SYN2: variants seen among roughly 807,000 people sequenced by gnomAD.
SYN2 encodes synapsin II.
SYN2 carries 19 observed loss-of-function variants against 50.9 expected under a neutral mutation model. The ratio of observed to expected loss-of-function variants is 0.37; its 90% CI spans 0.26 to 0.55. The LOEUF is 0.55. Ranked by LOEUF, SYN2 falls within the 20% of genes least tolerant of loss-of-function variation. The pLI is 0.81. For missense variants in SYN2, 587 were observed against 576.4 expected (o/e 1.02, Z -0.19); for synonymous variants, 255 against 224.9 (o/e 1.13, Z -1.20).
At chr3:12,177,943 G>A (rs961197548) in intron 10 of SYN2, among the ~76,000 whole-genome samples, 1 of 152,212 alleles carries the variant, frequency 6.6e-6, no homozygotes, top group Non-Finnish European at 1.5e-5. Context: ...CCCCCAGGAG[G>A]GAAGGAGAAG....
At chr3:12,131,703 T>C (rs1222366018) in intron 1 of SYN2, among the ~76,000 whole-genome samples, 1 of 152,198 alleles carries the variant, frequency 6.6e-6, no homozygotes, top group Admixed American at 6.5e-5. Context: ...TACTGCATCA[T>C]TTAATTATTC....
chr3:12,188,900 T>C (rs1698395984), intron 12 of SYN2, among the ~76,000 whole-genome samples: 1 of 152,166 alleles, frequency 6.6e-6, no homozygotes, highest in Non-Finnish European at 1.5e-5. Context: ...ATCCTTGGAT[T>C]GTCACTGCCT....
intron 7 of SYN2, among the ~76,000 whole-genome samples, chr3:12,162,978 T>G (rs568270112): frequency 1.3e-5 from 2 of 152,268 alleles, no homozygotes; most frequent in African/African-American, 4.8e-5. Flanking sequence ...CGGTGGCTCA[T>G]GCCTGTAATC....
chr3:12,171,492 G>T (rs1385154107), intron 10 of SYN2, among the ~76,000 whole-genome samples: 2 of 152,310 alleles, frequency 1.3e-5, no homozygotes, highest in East Asian at 1.9e-4. Flanking sequence ...GTATCTTAAA[G>T]AATTTATGAC....
chr3:12,028,509 C>G (rs1204545794), intron 1 of SYN2, among the ~76,000 whole-genome samples: 1 of 149,582 alleles, frequency 6.7e-6, no homozygotes, highest in Non-Finnish European at 1.5e-5. Flanking sequence ...AAAAGTGTTC[C>G]TATTTCTCCT....
In SYN2 at chr3:12,145,818, T is replaced by A; in HGVS notation, c.667T>A (p.Cys223Ser). The change falls in exon 4 of 13, where the codon TGT (cysteine) becomes AGT (serine). Residue 223 changes from cysteine to serine, a missense_variant. Transcript: ENST00000621198. Reference sequence around the variant, plus strand: ...CTCACTGGAATCCATATACAACTTCTGTGACAAGCCATGGGTGGTGAGTGA... The same window carrying A: ...CTCACTGGAATCCATATACAACTTCAGTGACAAGCCATGGGTGGTGAGTGA... Reference protein sequence around the residue: ...INSLESIYNFCDKPWVFAQLV... With the variant: ...INSLESIYNFSDKPWVFAQLV... 1.2e-6 allele frequency: 2 copies of A among 1,613,956 alleles called. No individual in the cohort carries two copies. The highest frequency in any genetic ancestry group is 1.7e-6 in the Non-Finnish European group (2 of 1,179,862).
chr3:12,046,827 T>C (rs1298269865), intron 1 of SYN2, among the ~76,000 whole-genome samples: 1 of 152,176 alleles, frequency 6.6e-6, no homozygotes, highest in Admixed American at 6.5e-5. Flanking sequence ...GGTTTCTGAC[T>C]GCACAGCTGG....
chr3:12,087,917 T>TA (rs79920668), intron 1 of SYN2, among the ~76,000 whole-genome samples: 88 of 146,488 alleles, frequency 6.0e-4, no homozygotes, highest in Admixed American at 1.1e-3. Flanking sequence ...TCACATCATA[T>TA]AAAAAAAAAA....
At position 12,186,860 on chromosome 3, in the gene SYN2, T is replaced by G. The variant is rs116133226; in HGVS notation, c.1370-509T>G. Reference sequence around the variant, plus strand: ...AGACAACTAAGACCAGGGCTTACACTTTTTAAAGTTTTATGTTTGGGAAAA... The same window carrying G: ...AGACAACTAAGACCAGGGCTTACACGTTTTAAAGTTTTATGTTTGGGAAAA... On this transcript the variant is annotated intron_variant, in intron 11 of 12. Coordinates refer to ENST00000621198, the MANE Select transcript of SYN2 (RefSeq NM_133625.6). Among the ~76,000 whole-genome samples, 273 of 152,318 alleles carry G rather than the reference T, an allele frequency of 1.8e-3. 1 individual carries two copies. The highest frequency in any genetic ancestry group is 6.1e-3 in the African/African-American group (255 of 41,572).
chr3:12,041,199 A>T (rs1694603770), intron 1 of SYN2, among the ~76,000 whole-genome samples: 1 of 152,066 alleles, frequency 6.6e-6, no homozygotes, highest in Non-Finnish European at 1.5e-5. Context: ...TGGTATCCCT[A>T]CTTCTACTCT....
chr3:12,187,056 G>A (rs1698355502), intron 11 of SYN2, among the ~76,000 whole-genome samples: 1 of 152,156 alleles, frequency 6.6e-6, no homozygotes, highest in Non-Finnish European at 1.5e-5. Context: ...AGAGAGGAGG[G>A]GAGAGGACCC....
chr3:12,020,627 A>G (rs1401226060), intron 1 of SYN2, among the ~76,000 whole-genome samples: 1 of 152,066 alleles, frequency 6.6e-6, no homozygotes, highest in Non-Finnish European at 1.5e-5. Flanking sequence ...TTCAGTGCTG[A>G]TTTAGTTTTT....
At chr3:12,068,311 C>G (rs924986746) in intron 1 of SYN2, among the ~76,000 whole-genome samples, 9 of 152,168 alleles carry the variant, frequency 5.9e-5, no homozygotes, top group African/African-American at 2.2e-4. Context: ...AGGCATTGCT[C>G]AGTTATCTTC....
intron 1 of SYN2, among the ~76,000 whole-genome samples, chr3:12,101,442 T>G (rs961255345): frequency 1.3e-5 from 2 of 152,112 alleles, no homozygotes; most frequent in Non-Finnish European, 2.9e-5. Flanking sequence ...TAGGCAAATT[T>G]ACAGAGACAA....
chr3:12,032,115 T>G (rs1192723582), intron 1 of SYN2, among the ~76,000 whole-genome samples: 11,300 of 90,134 alleles, frequency 0.13, 1,935 homozygotes, highest in African/African-American at 0.34. Context: ...GTCTGTAAAG[T>G]ATTTTATTTC....
chr3:12,045,324 G>A (rs1287810692), intron 1 of SYN2, among the ~76,000 whole-genome samples: 3 of 152,176 alleles, frequency 2.0e-5, no homozygotes, highest in Admixed American at 2.0e-4. Flanking sequence ...AAAAGGAGTA[G>A]ATAAAAAGTG....
chr3:12,008,896 A>G (rs1203971964), intron 1 of SYN2, among the ~76,000 whole-genome samples: 1 of 152,228 alleles, frequency 6.6e-6, no homozygotes, highest in Non-Finnish European at 1.5e-5. Context: ...AGAGGGGGAC[A>G]ACGAAGAGAC....
chr3:12,184,122 A>C, intron 11 of SYN2: 3 of 985,940 alleles, frequency 3.0e-6, no homozygotes, highest in Non-Finnish European at 3.6e-6. Flanking sequence ...TGATGACATG[A>C]AATACAAAGA....
chr3:12,082,379 A>G (rs1003010124), intron 1 of SYN2, among the ~76,000 whole-genome samples: 6 of 152,236 alleles, frequency 3.9e-5, no homozygotes, highest in Non-Finnish European at 8.8e-5. Context: ...TTGCATAAAC[A>G]GTTTAGGCAC....
Sources: gnomAD v4.1 joint callset for allele counts (sites outside exome capture counted in the v4.1 genomes callset) on GRCh38, gnomAD v4.1.1 for gene constraint, MANE v1.5 for transcripts, NCBI Gene and HGNC (gene_info 2026-07-23, HGNC 2026-07-21) for gene names.